The following KLHL6 variants were observed in gnomAD, a reference collection of about 807,000 sequenced individuals.
The protein encoded by KLHL6 is kelch-like protein 6.
A neutral mutation model predicts 58.6 loss-of-function variants in KLHL6; 41 were observed. The observed-to-expected ratio is 0.70, with a 90% CI of 0.55 to 0.91. The LOEUF is 0.91. KLHL6 is among the 40% of genes least tolerant of loss of function. The pLI is 0.00. For missense variants in KLHL6, 714 were observed against 805.6 expected (o/e 0.89, Z 1.38); for synonymous variants, 338 against 322.7 (o/e 1.05, Z -0.51).
At chr3:183,497,508 T>C (rs1160457456) in intron 4 of KLHL6, among the ~76,000 whole-genome samples, 1 of 152,170 alleles carries the variant, frequency 6.6e-6, no homozygotes, top group Non-Finnish European at 1.5e-5. Flanking sequence ...ACAGCTAAAC[T>C]ACATTTCCCA....
In KLHL6 at chr3:183,491,859, GGA is replaced by G; in HGVS notation, c.*66_*67del. On this transcript the variant is annotated 3_prime_UTR_variant, in exon 7 of 7. Coordinates refer to ENST00000341319, the MANE Select transcript of KLHL6 (RefSeq NM_130446.4). ...CGAGCCTGCTGCCTGAAGTGGGACT[GGA>G]GGAGGGTGAGAGGTGAGGCGGGTAC... The G allele has an allele frequency of 7.4e-7, 1 of 1,352,052 alleles. No homozygotes were observed. The highest frequency in any genetic ancestry group is 2.8e-5 in the Admixed American group (1 of 35,636). 83.8% of individuals were successfully genotyped at this position (1,352,052 alleles called of 1,614,324 possible). A position where few individuals can be genotyped will look rare whatever the true frequency, so the allele number is the denominator to read the frequency against.
chr3:183,534,778 T>C (rs2108689150), intron 1 of KLHL6, among the ~76,000 whole-genome samples: 1 of 152,172 alleles, frequency 6.6e-6, no homozygotes, highest in Middle Eastern at 3.4e-3. Flanking sequence ...AAAATATACC[T>C]GAAATATCAT....
At chr3:183,527,723 C>A in intron 2 of KLHL6, 122 bp downstream of exon 2, 8 of 689,938 alleles carry the variant, frequency 1.2e-5, no homozygotes, top group Non-Finnish European at 1.9e-5. Flanking sequence ...TGTTTGTGTG[C>A]GTGTGTGTGT....
At chr3:183,515,993 G>C (rs1298553641) in intron 2 of KLHL6, among the ~76,000 whole-genome samples, 3 of 152,234 alleles carry the variant, frequency 2.0e-5, no homozygotes, top group African/African-American at 7.2e-5. Context: ...TTTGTATAAA[G>C]GAGCAAATAG....
chr3:183,515,440 T>G (rs1289566912), intron 2 of KLHL6, among the ~76,000 whole-genome samples: 2 of 152,068 alleles, frequency 1.3e-5, no homozygotes, highest in Non-Finnish European at 2.9e-5. Flanking sequence ...CCCAGCTACT[T>G]GGGAAGCTGA....
At chr3:183,533,212 T>A (rs1474387112) in intron 1 of KLHL6, among the ~76,000 whole-genome samples, 1 of 152,116 alleles carries the variant, frequency 6.6e-6, no homozygotes, top group Non-Finnish European at 1.5e-5. Context: ...CTCCTCTCTA[T>A]CCCACACTTC....
intron 1 of KLHL6, among the ~76,000 whole-genome samples, chr3:183,531,069 G>C (rs971703932): frequency 6.6e-6 from 1 of 151,952 alleles, no homozygotes; most frequent in African/African-American, 2.4e-5. Context: ...CCTGACGTCA[G>C]GTGATCCACC....
chr3:183,488,962 T>C lies in KLHL6; in HGVS notation c.*2965A>G, dbSNP rs1195264284. The C allele has an allele frequency of 6.6e-6, 1 of 152,200 alleles. No individual in the cohort carries two copies. The highest frequency in any genetic ancestry group is 1.5e-5 in the Non-Finnish European group (1 of 68,032). 9.4% of individuals were successfully genotyped at this position (152,200 alleles called of 1,614,324 possible). On this transcript the variant is annotated 3_prime_UTR_variant, in exon 7 of 7. Transcript: ENST00000341319. ...TTCCACAATTCACCTGCATATCTGG[T>C]GTTGTAAAAAATCATAAAGAGTGTT... is the stretch of plus-strand genomic sequence containing the variant.
chr3:183,553,424 G>C (rs1199570147), intron 1 of KLHL6, among the ~76,000 whole-genome samples: 1 of 152,196 alleles, frequency 6.6e-6, no homozygotes, highest in East Asian at 1.9e-4. Context: ...CCACAGCCAG[G>C]CCAACCCGCT....
intron 2 of KLHL6, among the ~76,000 whole-genome samples, chr3:183,515,403 C>G (rs973831129): frequency 4.6e-5 from 7 of 152,060 alleles, no homozygotes; most frequent in Non-Finnish European, 8.8e-5. Context: ...TAAAAATTAG[C>G]CTGTTGTGGT....
chr3:183,549,610 G>A (rs895865367), intron 1 of KLHL6, among the ~76,000 whole-genome samples: 2 of 152,208 alleles, frequency 1.3e-5, no homozygotes, highest in Non-Finnish European at 2.9e-5. Context: ...CCAGATTCAA[G>A]CAATTCTCCT....
chr3:183,529,412 T>A (rs575334891), intron 1 of KLHL6, among the ~76,000 whole-genome samples: 17 of 152,298 alleles, frequency 1.1e-4, no homozygotes, highest in South Asian at 4.1e-4. Context: ...AAACTGTTGG[T>A]CCTTCCCAGG....
rs141780548 is a variant in KLHL6 at position 183,494,669 on chromosome 3, C to T, written c.1148-388G>A. Among the ~76,000 whole-genome samples the T allele has an allele frequency of 4.6e-5, 7 of 152,274 alleles. No individual in the cohort carries two copies. The East Asian group carries it at 1.4e-3, about 29-fold the overall frequency. On this transcript the variant is annotated intron_variant, in intron 4 of 6. Transcript: ENST00000341319. The stretch of plus-strand genomic sequence containing the variant: ...AGCAGGAAGCAAGGCTGGGCGGGGA[C>T]AGTGGGGTTTGTGCAGAAGGCAAAT...
intron 1 of KLHL6, among the ~76,000 whole-genome samples, chr3:183,545,712 A>G (rs1183363800): frequency 6.6e-6 from 1 of 152,114 alleles, no homozygotes; most frequent in Non-Finnish European, 1.5e-5. Flanking sequence ...AAACAAAAGA[A>G]CTGCAAGAGT....
In KLHL6 at chr3:183,492,232, AG is replaced by A. The variant is rs749902846; in HGVS notation, c.1565-5del. 1 of 1,582,228 alleles carries A rather than the reference AG, an allele frequency of 6.3e-7. No homozygotes were observed. Among genetic ancestry groups the A allele is most frequent in the Non-Finnish European group, 8.6e-7 (1 of 1,162,176 alleles). ...TACAGCGCTCTCATGGCCCCACCTGAGGAGAGGGAGGAAACACGGTGGGCAT... is the reference window on the plus strand; with the variant it reads ...TACAGCGCTCTCATGGCCCCACCTGAGAGAGGGAGGAAACACGGTGGGCAT... On this transcript the variant is annotated splice_polypyrimidine_tract_variant and splice_region_variant and intron_variant, in intron 6 of 6. Transcript: ENST00000341319. The surrounding 1 kb of genome is among the most constrained non-coding windows in gnomAD (Gnocchi z 5.9).
At chr3:183,493,383 C>CA (rs1717627352) in intron 5 of KLHL6, 2 of 154,380 alleles carry the variant, frequency 1.3e-5, no homozygotes, top group Non-Finnish European at 2.9e-5. Context: ...TAGCACTTTT[C>CA]AGGCTGACAG....
intron 1 of KLHL6, among the ~76,000 whole-genome samples, chr3:183,528,713 G>A (rs1054324296): frequency 6.6e-6 from 1 of 152,194 alleles, no homozygotes; most frequent in Non-Finnish European, 1.5e-5. Context: ...CAACCCAGGA[G>A]TTGGACAGGT....
chr3:183,555,073 G>C (rs1302578244), intron 1 of KLHL6, among the ~76,000 whole-genome samples: 1 of 152,158 alleles, frequency 6.6e-6, no homozygotes, highest in Non-Finnish European at 1.5e-5. Context: ...GCTGAGGCAG[G>C]AGAATCGCTT....
chr3:183,554,931 G>T (rs1231823120), intron 1 of KLHL6, among the ~76,000 whole-genome samples: 2 of 152,166 alleles, frequency 1.3e-5, no homozygotes, highest in Non-Finnish European at 2.9e-5. Flanking sequence ...TTGGGAGGCG[G>T]AGGCGGGTGG....
Sources: allele counts gnomAD v4.1 joint callset (sites outside exome capture counted in the v4.1 genomes callset), GRCh38; gene constraint gnomAD v4.1.1; non-coding constraint Gnocchi (gnomAD v3.1); transcripts MANE v1.5; gene names NCBI Gene and HGNC (gene_info 2026-07-23, HGNC 2026-07-21).